TMEM132C: variants seen among roughly 807,000 people sequenced by gnomAD.
TMEM132C encodes transmembrane protein 132C.
A neutral mutation model predicts 61.4 loss-of-function variants in TMEM132C; 29 were observed. The ratio of observed to expected loss-of-function variants is 0.47; its 90% CI spans 0.35 to 0.64. The LOEUF (loss-of-function observed/expected upper bound fraction) is 0.64. Among genes scored for constraint, TMEM132C ranks in the 30% least tolerant of loss-of-function variants. TMEM132C has a pLI of 0.00. For missense variants in TMEM132C, 1,408 were observed against 1,476.9 expected (o/e 0.95, Z 0.76); for synonymous variants, 656 against 633.1 (o/e 1.04, Z -0.54).
At chr12:128,433,885 G>A (rs1448524920) in intron 2 of TMEM132C, among the ~76,000 whole-genome samples, 2 of 152,244 alleles carry the variant, frequency 1.3e-5, no homozygotes, top group Non-Finnish European at 2.9e-5. Flanking sequence ...TGTTTCCTGT[G>A]CAGTACAAAA....
At chr12:128,419,323 G>T (rs2136025590) in intron 2 of TMEM132C, among the ~76,000 whole-genome samples, 1 of 152,232 alleles carries the variant, frequency 6.6e-6, no homozygotes, top group Non-Finnish European at 1.5e-5. Context: ...AGAGTCCCTG[G>T]AATTCCATCC....
intron 4 of TMEM132C, among the ~76,000 whole-genome samples, chr12:128,661,297 G>A (rs951546404): frequency 6.6e-6 from 1 of 152,274 alleles, no homozygotes; most frequent in South Asian, 2.1e-4. Context: ...AATAAAGTCA[G>A]CTGATTATGA....
chr12:128,498,320 A>G (rs994193576), intron 2 of TMEM132C, among the ~76,000 whole-genome samples: 1 of 152,124 alleles, frequency 6.6e-6, no homozygotes, highest in Non-Finnish European at 1.5e-5. Flanking sequence ...AGGCTTCCAG[A>G]CTGGAAAGGA....
intron 5 of TMEM132C, among the ~76,000 whole-genome samples, chr12:128,685,957 G>A (rs1458730536): frequency 6.6e-6 from 1 of 152,180 alleles, no homozygotes; most frequent in Non-Finnish European, 1.5e-5. Flanking sequence ...GCCAGTCAAC[G>A]AATGTTTGCT....
At chr12:128,320,252 T>C (rs1192157560) in intron 1 of TMEM132C, among the ~76,000 whole-genome samples, 1 of 152,174 alleles carries the variant, frequency 6.6e-6, no homozygotes, top group Non-Finnish European at 1.5e-5. Context: ...CTGTAAACTT[T>C]CTTTTTCTTT....
intron 1 of TMEM132C, among the ~76,000 whole-genome samples, chr12:128,327,361 GGTTTGTTT>G (rs72370132): frequency 0.017 from 2,486 of 146,966 alleles, 194 homozygotes; most frequent in Admixed American, 0.098. Context: ...GGCGCAGCTT[GGTTTGTTT>G]GTTTGTTTGT....
At chr12:128,557,784 C>T (rs950346702) in intron 3 of TMEM132C, among the ~76,000 whole-genome samples, 4 of 152,242 alleles carry the variant, frequency 2.6e-5, no homozygotes, top group Non-Finnish European at 4.4e-5. Context: ...CTTCACAAGA[C>T]AGTGGCAAAC....
intron 3 of TMEM132C, among the ~76,000 whole-genome samples, chr12:128,554,826 TGTAA>T (rs10582445): frequency 0.035 from 5,393 of 152,244 alleles, 326 homozygotes; most frequent in African/African-American, 0.12. Context: ...TTCTTATGGC[TGTAA>T]GTGTCAGCCC....
At chr12:128,539,199 C>G (rs1315281360) in intron 2 of TMEM132C, among the ~76,000 whole-genome samples, 1 of 152,234 alleles carries the variant, frequency 6.6e-6, no homozygotes, top group Non-Finnish European at 1.5e-5. Context: ...CTTTCCACGT[C>G]ACTTGTATTT....
chr12:128,460,529 C>T (rs920132228), intron 2 of TMEM132C, among the ~76,000 whole-genome samples: 42 of 152,142 alleles, frequency 2.8e-4, no homozygotes, highest in Non-Finnish European at 4.1e-4. Flanking sequence ...GTTCTCACCC[C>T]GAGAGCTACA....
intron 3 of TMEM132C, among the ~76,000 whole-genome samples, chr12:128,561,259 T>C (rs1593100603): frequency 1.3e-5 from 2 of 152,384 alleles, no homozygotes; most frequent in Middle Eastern, 6.8e-3. Flanking sequence ...AAGAACTTCA[T>C]GGCTTTGCCC....
chr12:128,504,984 CGTAGTAA>C (rs753799607), intron 2 of TMEM132C, among the ~76,000 whole-genome samples: 68 of 152,012 alleles, frequency 4.5e-4, no homozygotes, highest in Non-Finnish European at 7.9e-4. Flanking sequence ...TACTACTTTA[CGTAGTAA>C]GTAAGATTAC....
intron 3 of TMEM132C, among the ~76,000 whole-genome samples, chr12:128,585,185 C>A (rs186272786): frequency 1.0e-3 from 154 of 152,308 alleles, no homozygotes; most frequent in African/African-American, 3.5e-3. Flanking sequence ...TCACCACACA[C>A]GTGAAAAAAT....
chr12:128,527,821 C>A (rs1337364025), intron 2 of TMEM132C, among the ~76,000 whole-genome samples: 1 of 152,100 alleles, frequency 6.6e-6, no homozygotes, highest in Non-Finnish European at 1.5e-5. Flanking sequence ...TAGGTTTCTT[C>A]TAACTCTGTA....
chr12:128,296,138 G>A (rs899771367), intron 1 of TMEM132C, among the ~76,000 whole-genome samples: 5 of 152,152 alleles, frequency 3.3e-5, no homozygotes, highest in Non-Finnish European at 7.4e-5. Context: ...CTTTTGGCCT[G>A]ATGCCTGAAC....
chr12:128,301,578 T>C (rs145320540), intron 1 of TMEM132C, among the ~76,000 whole-genome samples: 1 of 152,286 alleles, frequency 6.6e-6, no homozygotes, highest in Non-Finnish European at 1.5e-5. Context: ...GCCTTGATTT[T>C]TGAAGAATCA....
intron 1 of TMEM132C, among the ~76,000 whole-genome samples, chr12:128,346,805 G>A (rs769660278): frequency 1.3e-5 from 2 of 152,274 alleles, no homozygotes; most frequent in South Asian, 2.1e-4. Flanking sequence ...CCGTAAGTGC[G>A]AGGGTTTGTT....
intron 4 of TMEM132C, among the ~76,000 whole-genome samples, chr12:128,644,555 A>G (rs1382611611): frequency 3.9e-5 from 6 of 152,256 alleles, no homozygotes; most frequent in Admixed American, 6.5e-5. Context: ...AGGCAAAACT[A>G]TAGGGACAGA....
At chr12:128,301,850 T>A (rs1442758410) in intron 1 of TMEM132C, among the ~76,000 whole-genome samples, 3 of 152,222 alleles carry the variant, frequency 2.0e-5, no homozygotes, top group Non-Finnish European at 4.4e-5. Context: ...CAGTTCCATG[T>A]GGCTGGGGAG....
Sources: allele counts gnomAD v4.1 joint callset (sites outside exome capture counted in the v4.1 genomes callset), GRCh38; gene constraint gnomAD v4.1.1; transcripts MANE v1.5; gene names NCBI Gene and HGNC (gene_info 2026-07-23, HGNC 2026-07-21).